The following OPA3 variants were observed in gnomAD, a reference collection of about 807,000 sequenced individuals.
OPA3 encodes optic atrophy 3 protein.
Under a neutral mutation model 4.0 loss-of-function variants are expected in OPA3, and 6 were observed. That is an observed-to-expected ratio of 1.51 (90% CI 0.83 to 2.99). The LOEUF (loss-of-function observed/expected upper bound fraction) is 2.99. Among genes scored for constraint, OPA3 ranks in the 30% most tolerant of loss-of-function variants. OPA3 has a pLI of 0.00. For missense variants in OPA3, 235 were observed against 256.2 expected, an observed-to-expected ratio of 0.92 and a Z score of 0.56; for synonymous variants, 105 against 117.1, an observed-to-expected ratio of 0.90 and a Z score of 0.67.
chr19:45,553,247 T>A lies in OPA3; in HGVS notation c.*267A>T. Reference sequence around the variant, plus strand: ...TTCATTTGCCAGAGTGCCCACGGTGTCCTGCTGGCTGGGACCTTGCAGGTC... The same window carrying A: ...TTCATTTGCCAGAGTGCCCACGGTGACCTGCTGGCTGGGACCTTGCAGGTC... On this transcript the variant is annotated 3_prime_UTR_variant, in exon 2 of 2. Coordinates refer to ENST00000263275, the MANE Select transcript of OPA3 (RefSeq NM_025136.4). 3 of 1,414,062 alleles carry A rather than the reference T, an allele frequency of 2.1e-6. No individual in the cohort carries two copies. Among genetic ancestry groups the A allele is most frequent in the Non-Finnish European group, 2.8e-6 (3 of 1,086,532 alleles). The allele number at this position is 1,414,062 out of a possible 1,614,324, so 87.6% of individuals were successfully genotyped here.
chr19:45,567,304 C>A (rs2122480149), intron 1 of OPA3, among the ~76,000 whole-genome samples: 1 of 150,434 alleles, frequency 6.6e-6, no homozygotes, highest in Non-Finnish European at 1.5e-5. Flanking sequence ...TGTGCCACTG[C>A]CCTCCAGCCT....
intron 1 of OPA3, among the ~76,000 whole-genome samples, chr19:45,538,958 G>T (rs1295000132): frequency 2.0e-5 from 3 of 152,164 alleles, no homozygotes; most frequent in East Asian, 3.9e-4. Flanking sequence ...CTGAATGGCT[G>T]GGGAGGCCTC....
chr19:45,558,983 G>T (rs577607410), intron 1 of OPA3, among the ~76,000 whole-genome samples: 5 of 151,778 alleles, frequency 3.3e-5, no homozygotes, highest in Non-Finnish European at 7.4e-5. Context: ...TCCCGGGTTC[G>T]AGTGATTCTC....
chr19:45,535,749 GT>G (rs780816092), intron 1 of OPA3, among the ~76,000 whole-genome samples: 10 of 125,794 alleles, frequency 7.9e-5, no homozygotes, highest in African/African-American at 2.4e-4. Flanking sequence ...CATAATAACT[GT>G]TTTTTTCTTT....
chr19:45,564,494 C>A (rs1969553782), intron 1 of OPA3, among the ~76,000 whole-genome samples: 1 of 152,202 alleles, frequency 6.6e-6, no homozygotes, highest in Admixed American at 6.5e-5. Context: ...CAAGCCTGTT[C>A]CTCTGGCATG....
intron 1 of OPA3, among the ~76,000 whole-genome samples, chr19:45,571,652 C>T (rs541784633): frequency 2.0e-5 from 3 of 152,090 alleles, no homozygotes; most frequent in Non-Finnish European, 2.9e-5. Flanking sequence ...AACACTGGTG[C>T]GTGTGAGAAT....
rs1484914410 is a variant in OPA3 at position 45,550,238 on chromosome 19, T to A, written c.*3276A>T. 1.0e-6 allele frequency: 1 copy of A among 985,328 alleles called. No homozygotes were observed. The highest frequency in any genetic ancestry group is 1.7e-5 in the African/African-American group (1 of 57,232). The allele number at this position is 985,328 out of a possible 1,614,324, so 61.0% of individuals were successfully genotyped here. ...TTTCTTGGCTTTCTATCTGGGCAGA[T>A]CTTGGTCCAGGCCAGTTTTACCTCT... is the stretch of plus-strand genomic sequence containing the variant. On this transcript the variant is annotated 3_prime_UTR_variant, in exon 2 of 2. Transcript: ENST00000263275.
intron 1 of OPA3, among the ~76,000 whole-genome samples, chr19:45,563,077 T>C (rs1969528654): frequency 6.6e-6 from 1 of 152,230 alleles, no homozygotes; most frequent in Non-Finnish European, 1.5e-5. Flanking sequence ...ATTCTGCTTC[T>C]GGGCATTTAT....
In OPA3 at chr19:45,551,716, G is replaced by A; in HGVS notation, c.*1798C>T. ...AATCAAGCAGTTAAGGCCAACTGCT[G>A]GCCTAATTGGTAGGATGGGGGTGGG... On this transcript the variant is annotated 3_prime_UTR_variant, in exon 2 of 2. Transcript: ENST00000263275. 1 of 985,498 alleles carries A rather than the reference G, an allele frequency of 1.0e-6. No individual in the cohort carries two copies. The highest frequency in any genetic ancestry group is 1.7e-5 in the African/African-American group (1 of 57,358). 61.0% of individuals were successfully genotyped at this position (985,498 alleles called of 1,614,324 possible).
At chr19:45,560,447 T>C (rs186289515) in intron 1 of OPA3, among the ~76,000 whole-genome samples, 1 of 152,246 alleles carries the variant, frequency 6.6e-6, no homozygotes, top group East Asian at 1.9e-4. Flanking sequence ...TCTGTGGAGG[T>C]GCCCAGGAGG....
At chr19:45,576,643 C>T (rs561078605) in intron 1 of OPA3, among the ~76,000 whole-genome samples, 29 of 152,166 alleles carry the variant, frequency 1.9e-4, no homozygotes, top group Admixed American at 1.8e-3. Context: ...AATCCATCTC[C>T]TCGGCTTTTC....
intron 1 of OPA3, among the ~76,000 whole-genome samples, chr19:45,565,950 TAATC>T (rs1225492958): frequency 1.1e-4 from 17 of 152,174 alleles, no homozygotes; most frequent in South Asian, 4.1e-4. Flanking sequence ...CACTTGGTCT[TAATC>T]AAATCAATCA....
Position 45,548,307 on chromosome 19 carries a change from G to A in OPA3, c.*5207C>T. The A allele has an allele frequency of 3.0e-6, 3 of 985,476 alleles. No homozygotes were observed. The highest frequency in any genetic ancestry group is 3.6e-6 in the Non-Finnish European group (3 of 829,958). The allele number at this position is 985,476 out of a possible 1,614,324, so 61.0% of individuals were successfully genotyped here. Reference sequence around the variant, plus strand: ...TCCTGGGGTGGCTCTCAGCCATTTTGCCTCCCTCCAGGCAATGGCCTGCCC... The same window carrying A: ...TCCTGGGGTGGCTCTCAGCCATTTTACCTCCCTCCAGGCAATGGCCTGCCC... On this transcript the variant is annotated 3_prime_UTR_variant, in exon 2 of 2. Transcript: ENST00000263275.
rs749100531 is a variant in OPA3, at chr19:45,548,890, G to A, written c.*4624C>T. 1.8e-4 allele frequency: 73 copies of A among 404,602 alleles called. No individual in the cohort carries two copies. Among genetic ancestry groups the A allele is most frequent in the Non-Finnish European group, 2.3e-4 (68 of 300,052 alleles). The allele number at this position is 404,602 out of a possible 1,614,324, so 25.1% of individuals were successfully genotyped here. A position where few individuals can be genotyped will look rare whatever the true frequency, so the allele number is the denominator to read the frequency against. ...ATGATCTCGGCTCACTGCAACCTCC[G>A]CCTCCCGGGTCCAAGAGATTCTCCT... is the stretch of plus-strand genomic sequence containing the variant. On this transcript the variant is annotated 3_prime_UTR_variant, in exon 2 of 2. Transcript: ENST00000263275.
At chr19:45,565,395 C>A (rs936372984) in intron 1 of OPA3, among the ~76,000 whole-genome samples, 2 of 151,716 alleles carry the variant, frequency 1.3e-5, no homozygotes, top group Non-Finnish European at 2.9e-5. Context: ...TTTGGGAGGT[C>A]GAGGCGGGTG....
intron 1 of OPA3, among the ~76,000 whole-genome samples, chr19:45,537,249 C>T (rs1408631760): frequency 5.3e-5 from 8 of 150,134 alleles, no homozygotes; most frequent in African/African-American, 7.3e-5. Context: ...AGTGCAATGG[C>T]GCAACCTCAG....
chr19:45,581,121 C>G (rs529916115), intron 1 of OPA3, among the ~76,000 whole-genome samples: 1 of 152,192 alleles, frequency 6.6e-6, no homozygotes, highest in South Asian at 2.1e-4. Flanking sequence ...TTCCTCTTTC[C>G]GGACATGGGG....
intron 1 of OPA3, among the ~76,000 whole-genome samples, chr19:45,575,406 A>G (rs1969751525): frequency 6.6e-6 from 1 of 152,136 alleles, no homozygotes; most frequent in Non-Finnish European, 1.5e-5. Context: ...TTACTACGGT[A>G]AGCCACCAAG....
At chr19:45,567,558 T>C (rs557541533) in intron 1 of OPA3, among the ~76,000 whole-genome samples, 29 of 152,258 alleles carry the variant, frequency 1.9e-4, no homozygotes, top group African/African-American at 6.7e-4. Context: ...GTAATGACGA[T>C]GTTTTATATC....
Sources: gnomAD v4.1 joint callset for allele counts (sites outside exome capture counted in the v4.1 genomes callset) on GRCh38, gnomAD v4.1.1 for gene constraint, MANE v1.5 for transcripts, NCBI Gene and HGNC (gene_info 2026-07-23, HGNC 2026-07-21) for gene names.